RECK: variants seen among roughly 807,000 people sequenced by gnomAD.
RECK encodes the protein reversion inducing cysteine rich protein with kazal motifs.
Under a neutral mutation model 115.1 loss-of-function variants are expected in RECK, and 69 were observed. The observed-to-expected ratio is 0.60, with a 90% CI of 0.49 to 0.73. The LOEUF (loss-of-function observed/expected upper bound fraction) is 0.73, where lower values mean the gene tolerates loss of function less well. Ranked by LOEUF, RECK falls within the 30% of genes least tolerant of loss-of-function variation. The probability of loss-of-function intolerance (pLI) is 0.00; values close to 1 mark genes in which losing one functional copy is unlikely to be tolerated. For missense variants in RECK, 1,047 were observed against 1,203.7 expected (o/e 0.87, Z 1.93); for synonymous variants, 414 against 419.7 (o/e 0.99, Z 0.17).
At chr9:36,115,218 G>A (rs903075597) in intron 16 of RECK, among the ~76,000 whole-genome samples, 27 of 151,948 alleles carry the variant, frequency 1.8e-4, no homozygotes, top group Non-Finnish European at 3.4e-4. Flanking sequence ...AGGAGGCTGA[G>A]GCAGCAGACT....
At chr9:36,056,707 T>C (rs1206554386) in intron 2 of RECK, among the ~76,000 whole-genome samples, 2 of 152,176 alleles carry the variant, frequency 1.3e-5, no homozygotes, top group Admixed American at 6.5e-5. Flanking sequence ...TTTTATTTAA[T>C]TTTACTTGAT....
chr9:36,051,410 T>C (rs550197061), intron 1 of RECK, among the ~76,000 whole-genome samples: 2 of 152,342 alleles, frequency 1.3e-5, no homozygotes, highest in African/African-American at 4.8e-5. Context: ...ATGACTCTAT[T>C]TTTGATGTCT....
chr9:36,100,638 C>CTT (rs1823529356), intron 11 of RECK, 95 bp downstream of exon 11: 2 of 867,024 alleles, frequency 2.3e-6, no homozygotes, highest in Admixed American at 4.7e-5. Context: ...TCTCTTACCA[C>CTT]TTCCTTTGCC....
At chr9:36,070,964 A>G (rs1446839759) in intron 6 of RECK, among the ~76,000 whole-genome samples, 1 of 152,172 alleles carries the variant, frequency 6.6e-6, no homozygotes, top group African/African-American at 2.4e-5. Context: ...TGGCCTACCT[A>G]AAAGTATTGG....
At chr9:36,117,459 T>C (rs1156720986) in intron 17 of RECK, among the ~76,000 whole-genome samples, 1 of 152,210 alleles carries the variant, frequency 6.6e-6, no homozygotes, top group Non-Finnish European at 1.5e-5. Flanking sequence ...TTCACAACCC[T>C]GGCATGGTCA....
At chr9:36,101,696 T>C (rs1302637391) in intron 11 of RECK, among the ~76,000 whole-genome samples, 1 of 152,066 alleles carries the variant, frequency 6.6e-6, no homozygotes, top group African/African-American at 2.4e-5. Flanking sequence ...TGTTGATAAC[T>C]AAAAAGAGAC....
chr9:36,074,613 A>C (rs147632900), intron 6 of RECK, among the ~76,000 whole-genome samples: 1 of 152,336 alleles, frequency 6.6e-6, no homozygotes, highest in Non-Finnish European at 1.5e-5. Flanking sequence ...CAGTACTTTT[A>C]TAGATAGAAA....
intron 12 of RECK, among the ~76,000 whole-genome samples, chr9:36,104,440 G>A (rs1823718946): frequency 7.2e-6 from 1 of 139,548 alleles, no homozygotes; most frequent in South Asian, 2.3e-4. Context: ...CTGCTTCCCA[G>A]GTTCAGGCCA....
At chr9:36,120,510 C>T (rs7871269) in intron 18 of RECK, among the ~76,000 whole-genome samples, 153 bp from the exon 19 acceptor site, 3,907 of 152,196 alleles carry the variant, frequency 0.026, 178 homozygotes, top group African/African-American at 0.088. Flanking sequence ...GAGAGGACTC[C>T]AGGTTGGTCA....
At chr9:36,050,832 G>A (rs948923334) in intron 1 of RECK, among the ~76,000 whole-genome samples, 13 of 151,984 alleles carry the variant, frequency 8.6e-5, no homozygotes. Context: ...ATTGTGGCTC[G>A]TTCCCTTACT....
At chr9:36,037,621 C>G (rs973909078) in intron 1 of RECK, among the ~76,000 whole-genome samples, 1 of 151,770 alleles carries the variant, frequency 6.6e-6, no homozygotes, top group African/African-American at 2.4e-5. Context: ...ACCCTGTCCC[C>G]CGGGGGCTGG....
At chr9:36,073,056 T>C (rs532319140) in intron 6 of RECK, among the ~76,000 whole-genome samples, 244 of 151,624 alleles carry the variant, frequency 1.6e-3, no homozygotes, top group African/African-American at 5.7e-3. Flanking sequence ...CTTTTTTTTT[T>C]TGAGCTCCTG....
rs367967852 is a variant in RECK, at chr9:36,087,172, GA to G, written c.638-512del. On this transcript the variant is annotated intron_variant, in intron 8 of 20. Coordinates refer to ENST00000377966, the MANE Select transcript of RECK (RefSeq NM_021111.3). ...TGCTAAGCAGAGCATGACAAAAAAA[GA>G]AAAAAAAAACATGCACACATATGTT... Among the ~76,000 whole-genome samples, 1,075 of 146,448 alleles carry G rather than the reference GA, an allele frequency of 7.3e-3. 5 individuals are homozygous for G. Among genetic ancestry groups the G allele is most frequent in the South Asian group, 0.035 (163 of 4,632 alleles).
At chr9:36,038,271 C>T (rs2132539259) in intron 1 of RECK, among the ~76,000 whole-genome samples, 1 of 152,080 alleles carries the variant, frequency 6.6e-6, no homozygotes, top group East Asian at 1.9e-4. Context: ...ATGCCACTGC[C>T]CTCGGAAGTG....
chr9:36,053,511 A>G (rs1348255388), intron 2 of RECK, among the ~76,000 whole-genome samples: 1 of 152,234 alleles, frequency 6.6e-6, no homozygotes, highest in African/African-American at 2.4e-5. Context: ...CTACCGGAGA[A>G]TTCAGTGACA....
At chr9:36,068,678 T>A (rs1006451568) in intron 6 of RECK, among the ~76,000 whole-genome samples, 5 of 152,230 alleles carry the variant, frequency 3.3e-5, no homozygotes, top group African/African-American at 1.2e-4. Flanking sequence ...TCCTGGGTTC[T>A]GATTGAAGGT....
chr9:36,067,541 G>A (rs535711250), intron 6 of RECK, among the ~76,000 whole-genome samples: 1 of 152,246 alleles, frequency 6.6e-6, no homozygotes, highest in African/African-American at 2.4e-5. Context: ...TGCCATTTAA[G>A]ATTTTGTCTT....
At chr9:36,086,647 G>GTTTTACAGAGTGCTGATTGGTCTAT (rs1822976390) in intron 8 of RECK, among the ~76,000 whole-genome samples, 3 of 152,164 alleles carry the variant, frequency 2.0e-5, no homozygotes, top group South Asian at 2.1e-4. Context: ...TGATTGGTCC[G>GTTTTACAGAGTGCTGATTGGTCTAT]TTTTACAGAG....
chr9:36,106,692 T>C (rs1467897166), intron 13 of RECK, among the ~76,000 whole-genome samples: 1 of 152,172 alleles, frequency 6.6e-6, no homozygotes, highest in African/African-American at 2.4e-5. Flanking sequence ...AATTTCAAGA[T>C]AGTATTTTCT....
Sources: allele counts gnomAD v4.1 joint callset (sites outside exome capture counted in the v4.1 genomes callset), GRCh38; gene constraint gnomAD v4.1.1; transcripts MANE v1.5; gene names NCBI Gene and HGNC (gene_info 2026-07-23, HGNC 2026-07-21).